Variants in FLT3 observed in about 807,000 individuals in gnomAD.
FLT3 encodes the protein fms related receptor tyrosine kinase 3, also known as receptor-type tyrosine-protein kinase FLT3.
Under a neutral mutation model 126.6 loss-of-function variants are expected in FLT3, and 46 were observed. The observed-to-expected ratio is 0.36, with a 90% confidence interval of 0.29 to 0.46. The LOEUF (loss-of-function observed/expected upper bound fraction) is 0.46. Among genes scored for constraint, FLT3 ranks in the 20% least tolerant of loss-of-function variants. The pLI, the probability that FLT3 is intolerant of heterozygous loss-of-function variation, is 1.00. For synonymous variants in FLT3, 404 were observed against 434.4 expected, an observed-to-expected ratio of 0.93 and a Z score of 0.87; for missense variants, 1,069 against 1,190.3, an observed-to-expected ratio of 0.90 and a Z score of 1.50.
rs776699712 is a variant in FLT3, at chr13:28,048,282, C to T, written c.1198G>A (p.Gly400Arg). ...AGTCCTTTGTGGTCTCACCTGTATC[C>T]GTTATCAAGACCCTTTTGCTCACAA... ...FPCEQKGLDN[G>R]YSISKFCNHK... Residue 400 changes from glycine to arginine, a missense_variant, in exon 9 of 24, where the codon GGA (glycine) becomes AGA (arginine). Transcript: ENST00000241453. The T allele has an allele frequency of 9.3e-6, 15 of 1,612,842 alleles. 1 individual carries two copies. The highest frequency in any genetic ancestry group is 8.3e-5 in the Admixed American group (5 of 59,910).
chr13:28,016,923 A>G (rs562805939), intron 20 of FLT3, among the ~76,000 whole-genome samples: 25 of 152,266 alleles, frequency 1.6e-4, no homozygotes, highest in Middle Eastern at 3.4e-3. Context: ...ACCCTGGACA[A>G]GGTGCTTTCA....
rs934156679 is a variant in FLT3 at position 28,091,868 on chromosome 13, G to A, written c.43+8600C>T. On this transcript the variant is annotated intron_variant, in intron 1 of 23. Transcript: ENST00000241453. ...GTGGATCGCTTGACGTCAGGAGTTCGAAACCAGCCTGGCCAACATGGTGAA... is the reference window on the plus strand; with the variant it reads ...GTGGATCGCTTGACGTCAGGAGTTCAAAACCAGCCTGGCCAACATGGTGAA... 8.7e-4 allele frequency among the ~76,000 whole-genome samples: 133 copies of A among 152,024 alleles called. 3 individuals carry two copies. The highest frequency in any genetic ancestry group is 7.8e-4 in the East Asian group (4 of 5,120).
chr13:28,071,084 TC>T lies in FLT3; in HGVS notation c.44-473del, dbSNP rs1199580544. 1.3e-4 allele frequency among the ~76,000 whole-genome samples: 17 copies of T among 134,538 alleles called. 1 individual carries two copies. Among genetic ancestry groups the T allele is most frequent in the African/African-American group, 4.1e-4 (15 of 36,814 alleles). The allele number at this position is 134,538 out of a possible 152,430, so 88.3% of individuals were successfully genotyped here. A position where few individuals can be genotyped will look rare whatever the true frequency, so the allele number is the denominator to read the frequency against. On this transcript the variant is annotated intron_variant, in intron 1 of 23. Coordinates refer to ENST00000241453, the MANE Select transcript of FLT3 (RefSeq NM_004119.3). ...TTCTTGGCTCACTGCAAGCTCCGCC[TC>T]CCAGGCTCAAGTGATTCTCCTGTCT... is the stretch of plus-strand genomic sequence containing the variant.
chr13:28,047,711 CAAAA>C (rs56745762), intron 9 of FLT3, among the ~76,000 whole-genome samples: 35 of 108,580 alleles, frequency 3.2e-4, no homozygotes, highest in Non-Finnish European at 4.6e-4. Context: ...GACCTCATCT[CAAAA>C]AAAAAAAAAA....
chr13:28,098,351 A>G, intron 1 of FLT3, among the ~76,000 whole-genome samples: 1 of 151,608 alleles, frequency 6.6e-6, no homozygotes, highest in Non-Finnish European at 1.5e-5. Context: ...TGTTTACAAT[A>G]TAAGGGAAAT....
In FLT3 at chr13:28,100,533, C is replaced by G; in HGVS notation, c.-23G>C. Reference sequence around the variant, plus strand: ...CATGGCCTCCGGAGCCCGGGGTCCCCAGGCCGCGCCGGCCCAGCCCTGCGA... The same window carrying G: ...CATGGCCTCCGGAGCCCGGGGTCCCGAGGCCGCGCCGGCCCAGCCCTGCGA... On this transcript the variant is annotated 5_prime_UTR_variant, in exon 1 of 24. Transcript: ENST00000241453. This position sits in a 1 kb window ranked among gnomAD's most constrained non-coding sequence, Gnocchi z 4.8. The G allele has an allele frequency of 8.3e-7, 1 of 1,211,104 alleles. No homozygotes were observed. Among genetic ancestry groups the G allele is most frequent in the Non-Finnish European group, 1.0e-6 (1 of 974,238 alleles). 75.0% of individuals were successfully genotyped at this position (1,211,104 alleles called of 1,614,324 possible).
At chr13:28,086,504 C>T (rs1015200506) in intron 1 of FLT3, among the ~76,000 whole-genome samples, 2 of 151,962 alleles carry the variant, frequency 1.3e-5, no homozygotes, top group Admixed American at 1.3e-4. Context: ...GAGATTTAAA[C>T]AATAAGAAAA....
rs575152903 is a variant in FLT3, at chr13:28,056,570, G to T, written c.484+777C>A. ...GCATAGCACGGAGTCTGTGCATGAT[G>T]GGGACGAAACAAGGAGAAGCCAGAA... On this transcript the variant is annotated intron_variant, in intron 4 of 23. Transcript: ENST00000241453. 7.9e-5 allele frequency among the ~76,000 whole-genome samples: 12 copies of T among 152,304 alleles called. No homozygotes were observed. In the South Asian group the frequency reaches 2.3e-3, roughly 29 times the overall value.
chr13:28,025,263 T>A (rs1431723979), intron 17 of FLT3: 2 of 401,544 alleles, frequency 5.0e-6, no homozygotes. Flanking sequence ...TAAATATGAT[T>A]CGAGTGGAAC....
At chr13:28,081,669 C>T (rs527368988) in intron 1 of FLT3, among the ~76,000 whole-genome samples, 7 of 152,048 alleles carry the variant, frequency 4.6e-5, no homozygotes, top group Admixed American at 1.3e-4. Context: ...TGGATATCCT[C>T]GCCTTGTTTC....
At chr13:28,068,035 T>TG (rs374569111) in intron 2 of FLT3, 4 of 118,676 alleles carry the variant, frequency 3.4e-5, no homozygotes, top group Admixed American at 1.1e-4. Flanking sequence ...GTTTTTATTA[T>TG]TTTTGTTTTT....
chr13:28,091,555 G>A (rs1411883887), intron 1 of FLT3, among the ~76,000 whole-genome samples: 5 of 152,062 alleles, frequency 3.3e-5, no homozygotes, highest in Non-Finnish European at 7.4e-5. Flanking sequence ...GAGGGCAGTA[G>A]ACTGGGTAAC....
At chr13:28,006,789 C>G (rs1870945112) in intron 23 of FLT3, among the ~76,000 whole-genome samples, 2 of 150,860 alleles carry the variant, frequency 1.3e-5, no homozygotes, top group African/African-American at 4.9e-5. Flanking sequence ...CTCTGTTGCC[C>G]AGGCTGGAGT....
At chr13:28,032,911 C>T (rs1873473415) in intron 15 of FLT3, among the ~76,000 whole-genome samples, 1 of 152,170 alleles carries the variant, frequency 6.6e-6, no homozygotes, top group Admixed American at 6.5e-5. Flanking sequence ...AGCAAGAGAG[C>T]CAGCTGGAGA....
In FLT3 at chr13:28,023,416, T is replaced by A; in HGVS notation, c.2352A>T (p.Thr784=). 1 of 1,613,972 alleles carries A rather than the reference T, an allele frequency of 6.2e-7. No individual in the cohort carries two copies. The highest frequency in any genetic ancestry group is 8.5e-7 in the Non-Finnish European group (1 of 1,179,846). ...LEEEEDLNVL[T]FEDLLCFAYQ... is the part of the protein sequence containing the mutation. ...ATGCAAAGCAAAGAAGATCTTCAAA[T>A]GTAAGCACATTCAAGTCCTCCTCTT... The change falls in exon 19 of 24, where the codon ACA becomes ACT. Residue 784 remains threonine, a synonymous_variant. Coordinates refer to ENST00000241453, the MANE Select transcript of FLT3 (RefSeq NM_004119.3).
chr13:28,038,581 T>C (rs1181274110), intron 9 of FLT3, among the ~76,000 whole-genome samples: 2 of 150,732 alleles, frequency 1.3e-5, no homozygotes. Flanking sequence ...GCCTCCGGAG[T>C]AGCTGGGACT....
At chr13:28,019,565 G>C (rs1872196481) in intron 19 of FLT3, among the ~76,000 whole-genome samples, 2 of 152,106 alleles carry the variant, frequency 1.3e-5, no homozygotes, top group East Asian at 3.9e-4. Flanking sequence ...CTGTGCCACA[G>C]CCCCTCTAGA....
chr13:28,075,656 T>C lies in FLT3; in HGVS notation c.44-5044A>G, dbSNP rs184735769. ...AGAAGAATCACTTCAACCTGGGAGG[T>C]AGAGGTTGCAGTGAGCAGGGATCAC... On this transcript the variant is annotated intron_variant, in intron 1 of 23. Coordinates refer to ENST00000241453, the MANE Select transcript of FLT3 (RefSeq NM_004119.3). Among the ~76,000 whole-genome samples the C allele has an allele frequency of 3.6e-4, 55 of 150,746 alleles. No individual in the cohort carries two copies. The East Asian group carries it at 9.1e-3, about 25-fold the overall frequency.
intron 1 of FLT3, among the ~76,000 whole-genome samples, chr13:28,080,008 C>T (rs1878213984): frequency 6.6e-6 from 1 of 152,190 alleles, no homozygotes; most frequent in South Asian, 2.1e-4. Context: ...CTCATTCCCA[C>T]AGGATGACAT....
Sources: allele counts gnomAD v4.1 joint callset (sites outside exome capture counted in the v4.1 genomes callset), GRCh38; gene constraint gnomAD v4.1.1; non-coding constraint Gnocchi (gnomAD v3.1); transcripts MANE v1.5; gene names NCBI Gene and HGNC (gene_info 2026-07-23, HGNC 2026-07-21).